The following STARD8 variants were observed in gnomAD, a reference collection of about 807,000 sequenced individuals.
STARD8 encodes StAR related lipid transfer domain containing 8.
STARD8 carries 25 observed loss-of-function variants against 69.4 expected under a neutral mutation model. The ratio of observed to expected loss-of-function variants is 0.36; its 90% CI spans 0.26 to 0.50. The LOEUF is 0.50. Among genes scored for constraint, STARD8 ranks in the 20% least tolerant of loss-of-function variants. The pLI is 0.96. For synonymous variants in STARD8, 389 were observed against 374.6 expected, an observed-to-expected ratio of 1.04 and a Z score of -0.45; for missense variants, 921 against 932.5, an observed-to-expected ratio of 0.99 and a Z score of 0.16.
intron 2 of STARD8, among the ~76,000 whole-genome samples, chrX:68,688,299 G>C (rs1483288477): frequency 9.0e-6 from 1 of 111,393 alleles, no homozygotes; most frequent in African/African-American, 3.3e-5. Flanking sequence ...TCAGGAGACA[G>C]GGGGGTGGTT....
intron 1 of STARD8, among the ~76,000 whole-genome samples, chrX:68,651,527 G>T (rs1375117447): frequency 1.8e-5 from 2 of 112,015 alleles, no homozygotes; most frequent in Non-Finnish European, 3.8e-5. Flanking sequence ...GAGACTGAGG[G>T]GTTTGAGGGG....
chrX:68,717,429 T>C lies in STARD8; in HGVS notation c.515T>C (p.Leu172Ser). ...TVSLPPEPADLPLPGRAPSSS... is the reference protein window; with the variant it reads ...TVSLPPEPADSPLPGRAPSSS... ...AGCCTACCACCCGAGCCAGCAGACT[T>C]GCCCTTGCCAGGCCGTGCCCCCAGC... The change falls in exon 6 of 15, where the codon TTG (leucine) becomes TCG (serine). Residue 172 changes from leucine to serine, a missense_variant. Leu to Ser is a moderately radical substitution (Grantham distance 145). Transcript: ENST00000374599. The C allele has an allele frequency of 2.5e-6, 3 of 1,209,955 alleles. No homozygotes were observed. The highest frequency in any genetic ancestry group is 3.4e-6 in the Non-Finnish European group (3 of 894,934).
chrX:68,704,030 T>C (rs2079986554), intron 2 of STARD8, among the ~76,000 whole-genome samples: 1 of 111,774 alleles, frequency 8.9e-6, no homozygotes, highest in Non-Finnish European at 1.9e-5. Flanking sequence ...GCCTCTATAC[T>C]GTGTAGTGGG....
intron 2 of STARD8, among the ~76,000 whole-genome samples, chrX:68,675,169 G>A (rs2079757729): frequency 9.1e-6 from 1 of 110,493 alleles, no homozygotes; most frequent in Non-Finnish European, 1.9e-5. Context: ...TGTTGGCCAG[G>A]CTGATCTCGA....
intron 2 of STARD8, among the ~76,000 whole-genome samples, chrX:68,712,274 G>A (rs893709296): frequency 1.8e-5 from 2 of 112,085 alleles, no homozygotes; most frequent in East Asian, 5.6e-4. Flanking sequence ...ATGAGCATGG[G>A]GGTGCTGCTG....
At chrX:68,716,796 A>G (rs2080095169) in intron 5 of STARD8, among the ~76,000 whole-genome samples, 1 of 111,190 alleles carries the variant, frequency 9.0e-6, no homozygotes. Flanking sequence ...CAGTTTCCCC[A>G]TTTTGCAAAG....
chrX:68,650,618 A>T (rs2079542294), intron 1 of STARD8, among the ~76,000 whole-genome samples: 1 of 109,989 alleles, frequency 9.1e-6, no homozygotes, highest in South Asian at 3.9e-4. Flanking sequence ...CCTGGGCAGC[A>T]TAGTAAGACT....
At chrX:68,664,227 T>G (rs963687604) in intron 1 of STARD8, among the ~76,000 whole-genome samples, 30 of 110,910 alleles carry the variant, frequency 2.7e-4, no homozygotes, top group African/African-American at 9.2e-4. Context: ...CTTCTTTCTT[T>G]TCTCTCCTCC....
At chrX:68,651,859 CTTT>C (rs777830461) in intron 1 of STARD8, among the ~76,000 whole-genome samples, 7 of 96,073 alleles carry the variant, frequency 7.3e-5, no homozygotes, top group Admixed American at 1.1e-4. Context: ...TGGGTTAAGT[CTTT>C]TTTTTTTTTT....
chrX:68,693,302 G>C (rs933773686), intron 2 of STARD8, among the ~76,000 whole-genome samples: 2 of 112,515 alleles, frequency 1.8e-5, no homozygotes, highest in African/African-American at 6.5e-5. Context: ...TAAATTATCC[G>C]AGCAAGTCAC....
chrX:68,706,335 G>A (rs955954152), intron 2 of STARD8, among the ~76,000 whole-genome samples: 18 of 112,083 alleles, frequency 1.6e-4, no homozygotes, highest in African/African-American at 5.5e-4. Context: ...GCCTCCCTCT[G>A]TAAGAATCAA....
At chrX:68,657,091 G>A (rs899647445) in intron 1 of STARD8, among the ~76,000 whole-genome samples, 1 of 111,893 alleles carries the variant, frequency 8.9e-6, no homozygotes, top group Non-Finnish European at 1.9e-5. Flanking sequence ...CAACTTACAT[G>A]GTTATTATGA....
chrX:68,690,437 G>T (rs1057324097), intron 2 of STARD8, among the ~76,000 whole-genome samples: 9 of 105,682 alleles, frequency 8.5e-5, no homozygotes, highest in South Asian at 8.0e-4. Context: ...CAGGCAGGGC[G>T]GGGGGACTGT....
chrX:68,696,784 G>A (rs2079923156), intron 2 of STARD8, among the ~76,000 whole-genome samples: 1 of 111,784 alleles, frequency 8.9e-6, no homozygotes, highest in African/African-American at 3.3e-5. Flanking sequence ...CTTGGTGCTA[G>A]GTCTTGTGGA....
chrX:68,665,658 C>A (rs2079679022), intron 2 of STARD8, 126 bp downstream of exon 2: 2 of 722,860 alleles, frequency 2.8e-6, no homozygotes, highest in African/African-American at 4.3e-5. Context: ...AAGCCGGAGA[C>A]ATCCTCTCTG....
rs181519449 is a variant in STARD8 at position 68,667,355 on chromosome X, A to G, written c.79+1823A>G. Among the ~76,000 whole-genome samples the G allele has an allele frequency of 3.1e-3, 344 of 111,986 alleles. 3 individuals are homozygous for G. The highest frequency in any genetic ancestry group is 0.011 in the African/African-American group (333 of 30,818). ...TGTCTGGGCTGGCATCTACATCTAC[A>G]AAATGGAGCTTATTGCATGGGACTC... On this transcript the variant is annotated intron_variant, in intron 2 of 14. Transcript: ENST00000374599.
intron 2 of STARD8, among the ~76,000 whole-genome samples, chrX:68,684,588 G>A (rs2079820133): frequency 8.9e-6 from 1 of 112,502 alleles, no homozygotes; most frequent in Admixed American, 9.3e-5. Flanking sequence ...CCTGTGAGAG[G>A]CGCAGTGCAG....
rs768413930 is a variant in STARD8, at chrX:68,678,045, C to CT, written c.79+12515dup. Among the ~76,000 whole-genome samples, 191 of 110,982 alleles carry CT rather than the reference C, an allele frequency of 1.7e-3. 2 individuals are homozygous for CT. The highest frequency in any genetic ancestry group is 6.2e-3 in the African/African-American group (188 of 30,514). On this transcript the variant is annotated intron_variant, in intron 2 of 14. Transcript: ENST00000374599. ...ACTGAGACCCAGAAAAGGGAAGGGA[C>CT]TTATGCAGGGAATTTGCGGCTCTGA...
chrX:68,723,627 C>T lies in STARD8; in HGVS notation c.2801C>T (p.Ala934Val). ...PQHTELACRK[A>V]PDGHPLRLWK... is the part of the protein sequence containing the mutation. ...CATCCCCACTCCTGTGGCTCACAGGCACCGGATGGGCACCCCCTGCGGCTA... is the reference window on the plus strand; with the variant it reads ...CATCCCCACTCCTGTGGCTCACAGGTACCGGATGGGCACCCCCTGCGGCTA... The change falls in exon 13 of 15, where the codon GCA (alanine) becomes GTA (valine). Residue 934 changes from alanine to valine, a missense_variant and splice_region_variant. Coordinates refer to ENST00000374599, the MANE Select transcript of STARD8 (RefSeq NM_001142503.3). 1 of 1,187,298 alleles carries T rather than the reference C, an allele frequency of 8.4e-7. No homozygotes were observed.
Sources: gnomAD v4.1 joint callset for allele counts (sites outside exome capture counted in the v4.1 genomes callset) on GRCh38, gnomAD v4.1.1 for gene constraint, MANE v1.5 for transcripts, NCBI Gene and HGNC (gene_info 2026-07-23, HGNC 2026-07-21) for gene names.